Variants in PDE4D observed in about 807,000 individuals in gnomAD.
PDE4D encodes the protein 3',5'-cyclic-AMP phosphodiesterase 4D.
A neutral mutation model predicts 87.4 loss-of-function variants in PDE4D; 24 were observed. That is an observed-to-expected ratio of 0.27 (90% confidence interval 0.20 to 0.39). The LOEUF (loss-of-function observed/expected upper bound fraction) is 0.39. Ranked by LOEUF, PDE4D falls within the 10% of genes least tolerant of loss-of-function variation. PDE4D has a pLI of 1.00. For synonymous variants in PDE4D, 384 were observed against 383.2 expected (o/e 1.00, Z -0.02); for missense variants, 714 against 1,041.0 (o/e 0.69, Z 4.32).
At chr5:59,468,032 G>A (rs1801846971) in intron 1 of PDE4D, among the ~76,000 whole-genome samples, 1 of 152,086 alleles carries the variant, frequency 6.6e-6, no homozygotes. Context: ...GTGCACATCT[G>A]TTTCCATTGA....
At chr5:59,007,120 G>C (rs1751780468) in intron 6 of PDE4D, among the ~76,000 whole-genome samples, 1 of 152,154 alleles carries the variant, frequency 6.6e-6, no homozygotes, top group South Asian at 2.1e-4. Context: ...AAATATTTAA[G>C]AAATATTGTT....
chr5:60,270,355 A>C (rs1197259692), intron 1 of PDE4D, among the ~76,000 whole-genome samples: 1 of 152,202 alleles, frequency 6.6e-6, no homozygotes, highest in Admixed American at 6.5e-5. Context: ...TTGCTCTTGA[A>C]TGTTCAAATC....
At chr5:60,167,199 T>A (rs1225495409) in intron 2 of PDE4D, among the ~76,000 whole-genome samples, 1 of 152,028 alleles carries the variant, frequency 6.6e-6, no homozygotes, top group Non-Finnish European at 1.5e-5. Context: ...TTTTTGATGC[T>A]GTCACATAAA....
chr5:59,244,668 ATGTGTGTGTGTCTGTGTGTG>A lies in PDE4D; in HGVS notation c.456-28720_456-28701del, dbSNP rs1226952871. On this transcript the variant is annotated intron_variant, in intron 1 of 14. Transcript: ENST00000340635. Reference sequence around the variant, plus strand: ...TATATATGTATAGATATATGTATGTATGTGTGTGTGTCTGTGTGTGTGTGTGTGTGTGTGTGTGTGTGTGT... The same window carrying A: ...TATATATGTATAGATATATGTATGTATGTGTGTGTGTGTGTGTGTGTGTGT... Among the ~76,000 whole-genome samples, 179 of 107,040 alleles carry A rather than the reference ATGTGTGTGTGTCTGTGTGTG, an allele frequency of 1.7e-3. 3 individuals carry two copies. The highest frequency in any genetic ancestry group is 5.6e-3 in the African/African-American group (167 of 29,724). 70.2% of individuals were successfully genotyped at this position (107,040 alleles called of 152,430 possible).
At chr5:59,202,997 C>CA (rs1368513429) in intron 2 of PDE4D, among the ~76,000 whole-genome samples, 1 of 151,982 alleles carries the variant, frequency 6.6e-6, no homozygotes, top group Non-Finnish European at 1.5e-5. Context: ...AACTCAATGG[C>CA]AAAAAAACAA....
intron 1 of PDE4D, among the ~76,000 whole-genome samples, chr5:60,415,506 G>A (rs892447739): frequency 1.3e-5 from 2 of 152,266 alleles, no homozygotes; most frequent in African/African-American, 2.4e-5. Flanking sequence ...TTGAAGGCCA[G>A]TGCGAGTTCC....
intron 1 of PDE4D, among the ~76,000 whole-genome samples, chr5:59,618,458 C>T (rs890817526): frequency 1.3e-5 from 2 of 152,108 alleles, no homozygotes; most frequent in East Asian, 1.9e-4. Flanking sequence ...GACAAAAGAA[C>T]AGAACAGGCG....
At chr5:59,153,760 T>TG (rs1470735986) in intron 5 of PDE4D, among the ~76,000 whole-genome samples, 4 of 150,614 alleles carry the variant, frequency 2.7e-5, no homozygotes, top group Non-Finnish European at 4.4e-5. Context: ...GGGTTTTTTT[T>TG]TTTGTTGTTG....
chr5:59,957,478 C>G (rs919652711), intron 3 of PDE4D, among the ~76,000 whole-genome samples: 1 of 151,724 alleles, frequency 6.6e-6, no homozygotes, highest in Non-Finnish European at 1.5e-5. Context: ...GACCTAAGTT[C>G]TTTTATCTGA....
At chr5:59,127,600 T>TCCCCCCCCCCCCCCCCCCCCCCCCCC (rs1170462233) in intron 5 of PDE4D, among the ~76,000 whole-genome samples, 4 of 96,998 alleles carry the variant, frequency 4.1e-5, no homozygotes, top group African/African-American at 1.6e-4. Flanking sequence ...CTTCTTTCCC[T>TCCCCCCCCCCCCCCCCCCCCCCCCCC]CCCCACCCCC....
intron 2 of PDE4D, among the ~76,000 whole-genome samples, chr5:59,998,460 CCAA>C (rs1349501425): frequency 1.3e-5 from 2 of 152,094 alleles, no homozygotes; most frequent in African/African-American, 2.4e-5. Context: ...AATTACCACA[CCAA>C]CATCTCATTT....
At chr5:60,373,301 G>A (rs547970062) in intron 1 of PDE4D, among the ~76,000 whole-genome samples, 12 of 152,164 alleles carry the variant, frequency 7.9e-5, no homozygotes, top group East Asian at 5.8e-4. Context: ...ATTTCCTCAC[G>A]GCAACAATCA....
At chr5:60,107,540 G>A (rs1199950733) in intron 2 of PDE4D, among the ~76,000 whole-genome samples, 9 of 152,114 alleles carry the variant, frequency 5.9e-5, no homozygotes, top group Admixed American at 5.2e-4. Flanking sequence ...CCAAAGCCAG[G>A]CAGAGACACA....
At chr5:59,941,553 T>C (rs1757183734) in intron 3 of PDE4D, among the ~76,000 whole-genome samples, 1 of 152,186 alleles carries the variant, frequency 6.6e-6, no homozygotes, top group African/African-American at 2.4e-5. Context: ...TTTCCATACT[T>C]TGTTGCAAAT....
intron 5 of PDE4D, among the ~76,000 whole-genome samples, chr5:59,051,938 C>G (rs1761605417): frequency 7.8e-6 from 1 of 128,528 alleles, no homozygotes; most frequent in South Asian, 2.5e-4. Flanking sequence ...TCCTCCCTCC[C>G]TTTCTTCTTT....
intron 1 of PDE4D, among the ~76,000 whole-genome samples, chr5:60,224,340 T>TG (rs1376802001): frequency 3.3e-5 from 5 of 152,092 alleles, no homozygotes; most frequent in African/African-American, 1.2e-4. Flanking sequence ...TTATCTATTG[T>TG]GGGGAAGTAA....
chr5:59,770,291 GT>G (rs1449389590), intron 1 of PDE4D, among the ~76,000 whole-genome samples: 1 of 152,140 alleles, frequency 6.6e-6, no homozygotes, highest in Non-Finnish European at 1.5e-5. Flanking sequence ...GGCCTTAGAA[GT>G]TGTGCAAAAC....
At chr5:59,465,542 T>C (rs1347719693) in intron 1 of PDE4D, among the ~76,000 whole-genome samples, 1 of 152,256 alleles carries the variant, frequency 6.6e-6, no homozygotes, top group Non-Finnish European at 1.5e-5. Flanking sequence ...TACATATTTT[T>C]AGACTTTTAA....
chr5:59,661,630 C>G (rs1045642389), intron 1 of PDE4D, among the ~76,000 whole-genome samples: 2 of 152,150 alleles, frequency 1.3e-5, no homozygotes, highest in African/African-American at 4.8e-5. Context: ...TATTAATTTT[C>G]CATATCAAGA....
Sources: allele counts gnomAD v4.1 joint callset (sites outside exome capture counted in the v4.1 genomes callset), GRCh38; gene constraint gnomAD v4.1.1; transcripts MANE v1.5; gene names NCBI Gene and HGNC (gene_info 2026-07-23, HGNC 2026-07-21).